Variants in LRRC4C observed in about 807,000 individuals in gnomAD.
LRRC4C encodes the protein leucine rich repeat containing 4C.
A neutral mutation model predicts 33.6 loss-of-function variants in LRRC4C; 5 were observed. The ratio of observed to expected loss-of-function variants is 0.15; its 90% CI spans 0.08 to 0.31. The LOEUF (loss-of-function observed/expected upper bound fraction) is 0.31. LRRC4C is among the 10% of genes least tolerant of loss of function. The pLI, the probability that LRRC4C is intolerant of heterozygous loss-of-function variation, is 1.00. For synonymous variants in LRRC4C, 329 were observed against 302.0 expected (o/e 1.09, Z -0.93); for missense variants, 560 against 796.7 (o/e 0.70, Z 3.58).
intron 6 of LRRC4C, among the ~76,000 whole-genome samples, chr11:40,129,095 G>A (rs892266089): frequency 2.0e-4 from 31 of 152,086 alleles, no homozygotes; most frequent in African/African-American, 7.5e-4. Context: ...TTAAATGCAT[G>A]AATGAATGAA....
At chr11:40,497,000 C>T (rs1954497638) in intron 3 of LRRC4C, among the ~76,000 whole-genome samples, 2 of 152,296 alleles carry the variant, frequency 1.3e-5, no homozygotes, top group Admixed American at 6.5e-5. Context: ...CATCATCCCC[C>T]TCAAAACCCA....
At chr11:40,479,622 C>T (rs1048080210) in intron 3 of LRRC4C, among the ~76,000 whole-genome samples, 2 of 152,138 alleles carry the variant, frequency 1.3e-5, no homozygotes, top group Non-Finnish European at 1.5e-5. Flanking sequence ...GAGGCGGCTG[C>T]TTTAAACATA....
rs1948723243 is a variant in LRRC4C at position 40,752,189 on chromosome 11, T to C, written c.-406-103911A>G. Reference sequence around the variant, plus strand: ...AGCGAAAACACTTCAAGACGTTGGTTTAGGCAAAAATTTTATGCTAAGACC... The same window carrying C: ...AGCGAAAACACTTCAAGACGTTGGTCTAGGCAAAAATTTTATGCTAAGACC... On this transcript the variant is annotated intron_variant, in intron 2 of 6. Transcript: ENST00000528697. Among the ~76,000 whole-genome samples, 3 of 152,032 alleles carry C rather than the reference T, an allele frequency of 2.0e-5. No individual in the cohort carries two copies. In the South Asian group the frequency reaches 6.2e-4, roughly 32 times the overall value.
At chr11:40,196,591 A>G (rs1862279992) in intron 5 of LRRC4C, among the ~76,000 whole-genome samples, 1 of 152,220 alleles carries the variant, frequency 6.6e-6, no homozygotes, top group Non-Finnish European at 1.5e-5. Context: ...CACATGCACA[A>G]GTATGCAAAT....
At chr11:41,408,100 A>G (rs1001943947) in intron 1 of LRRC4C, among the ~76,000 whole-genome samples, 5 of 152,208 alleles carry the variant, frequency 3.3e-5, no homozygotes, top group African/African-American at 1.2e-4. Context: ...CTCAATTTAC[A>G]ATTGAAAAGC....
At chr11:40,690,622 G>C (rs922777713) in intron 2 of LRRC4C, among the ~76,000 whole-genome samples, 3 of 151,952 alleles carry the variant, frequency 2.0e-5, no homozygotes, top group Non-Finnish European at 4.4e-5. Flanking sequence ...CTAAACCATA[G>C]ACTACTTTTC....
intron 1 of LRRC4C, among the ~76,000 whole-genome samples, chr11:41,268,886 A>G (rs1949234761): frequency 6.6e-6 from 1 of 152,062 alleles, no homozygotes; most frequent in South Asian, 2.1e-4. Flanking sequence ...AAAACACAGA[A>G]AAAGACAAAA....
intron 3 of LRRC4C, among the ~76,000 whole-genome samples, chr11:40,470,713 A>G (rs574110776): frequency 1.3e-5 from 2 of 152,338 alleles, no homozygotes; most frequent in East Asian, 3.9e-4. Context: ...GAGCTGAAAT[A>G]CAGCACGAGA....
chr11:41,009,526 C>T (rs1295511056), intron 1 of LRRC4C, among the ~76,000 whole-genome samples: 2 of 151,824 alleles, frequency 1.3e-5, no homozygotes, highest in Admixed American at 6.6e-5. Context: ...ATCATATAGC[C>T]TATTGAGGTT....
At chr11:41,347,020 C>G (rs1951824984) in intron 1 of LRRC4C, among the ~76,000 whole-genome samples, 1 of 152,076 alleles carries the variant, frequency 6.6e-6, no homozygotes, top group African/African-American at 2.4e-5. Context: ...ATTCATATAG[C>G]ACAGGAAAAC....
chr11:40,736,166 C>G (rs1006367788), intron 2 of LRRC4C, among the ~76,000 whole-genome samples: 3 of 151,828 alleles, frequency 2.0e-5, no homozygotes, highest in Non-Finnish European at 4.4e-5. Context: ...CTCTCCTTGC[C>G]CCCCACCCCC....
chr11:40,331,802 A>G (rs1050553611), intron 3 of LRRC4C, among the ~76,000 whole-genome samples: 1 of 152,190 alleles, frequency 6.6e-6, no homozygotes, highest in African/African-American at 2.4e-5. Context: ...CATTCTTCAG[A>G]CTGGGACTGA....
At chr11:40,645,928 C>G (rs1461605943) in intron 3 of LRRC4C, among the ~76,000 whole-genome samples, 1 of 152,184 alleles carries the variant, frequency 6.6e-6, no homozygotes, top group African/African-American at 2.4e-5. Context: ...TCTTCAAAGC[C>G]CCTCCTCCAG....
intron 3 of LRRC4C, among the ~76,000 whole-genome samples, chr11:40,633,213 T>G (rs887858080): frequency 6.6e-6 from 1 of 152,084 alleles, no homozygotes; most frequent in South Asian, 2.1e-4. Context: ...TGTGAAGAAA[T>G]AGAAATATAT....
At chr11:40,531,684 G>A (rs1047672517) in intron 3 of LRRC4C, among the ~76,000 whole-genome samples, 5 of 151,890 alleles carry the variant, frequency 3.3e-5, no homozygotes, top group East Asian at 1.9e-4. Context: ...TCAAGATTGC[G>A]TTTGAACTCT....
chr11:41,298,142 C>T (rs1950192166), intron 1 of LRRC4C, among the ~76,000 whole-genome samples: 1 of 152,166 alleles, frequency 6.6e-6, no homozygotes, highest in South Asian at 2.1e-4. Context: ...AAGCCATGTA[C>T]TTCCCATCTT....
chr11:40,292,652 T>G (rs1285464281), intron 4 of LRRC4C: 23 of 82,924 alleles, frequency 2.8e-4, no homozygotes, highest in African/African-American at 6.7e-4. Flanking sequence ...ATCCTTTTTT[T>G]TGGGGGGGGG....
chr11:40,707,889 GCCTGTTATT>G (rs1424960540), intron 2 of LRRC4C, among the ~76,000 whole-genome samples: 4 of 152,194 alleles, frequency 2.6e-5, no homozygotes, highest in South Asian at 4.2e-4. Flanking sequence ...CAATTTCAGA[GCCTGTTATT>G]GGTCTATTCA....
chr11:40,391,402 A>C (rs1949332068), intron 3 of LRRC4C, among the ~76,000 whole-genome samples: 1 of 152,302 alleles, frequency 6.6e-6, no homozygotes, highest in Non-Finnish European at 1.5e-5. Context: ...CTGTAATAAC[A>C]GCTCATTTTC....
Sources: gnomAD v4.1 joint callset for allele counts (sites outside exome capture counted in the v4.1 genomes callset) on GRCh38, gnomAD v4.1.1 for gene constraint, MANE v1.5 for transcripts, NCBI Gene and HGNC (gene_info 2026-07-23, HGNC 2026-07-21) for gene names.